The following GALNTL6 variants were observed in gnomAD, a reference collection of about 807,000 sequenced individuals.
GALNTL6 encodes the protein polypeptide N-acetylgalactosaminyltransferase-like 6.
A neutral mutation model predicts 73.7 loss-of-function variants in GALNTL6; 46 were observed. The ratio of observed to expected loss-of-function variants is 0.62; its 90% CI spans 0.49 to 0.80. The LOEUF is 0.80. Among genes scored for constraint, GALNTL6 ranks in the 30% least tolerant of loss-of-function variants. The pLI is 0.00. For missense variants in GALNTL6, 604 were observed against 755.0 expected, an observed-to-expected ratio of 0.80 and a Z score of 2.34; for synonymous variants, 259 against 263.7, an observed-to-expected ratio of 0.98 and a Z score of 0.17.
chr4:172,546,786 A>ATATATATATACACG (rs1735771426), intron 5 of GALNTL6, among the ~76,000 whole-genome samples: 1 of 9,848 alleles, frequency 1.0e-4, no homozygotes, highest in South Asian at 3.8e-3. Context: ...ACTCCGCTTT[A>ATATATATATACACG]TATATATATA....
chr4:172,177,901 G>A (rs1397061341), intron 2 of GALNTL6, among the ~76,000 whole-genome samples: 1 of 149,084 alleles, frequency 6.7e-6, no homozygotes, highest in South Asian at 2.1e-4. Flanking sequence ...TTACTTCTAT[G>A]ATATGACTTT....
chr4:172,245,834 A>C (rs577980171), intron 3 of GALNTL6, among the ~76,000 whole-genome samples: 49 of 152,142 alleles, frequency 3.2e-4, no homozygotes, highest in Admixed American at 1.2e-3. Flanking sequence ...TGATGGCAAC[A>C]CTTTCCAGAG....
intron 5 of GALNTL6, among the ~76,000 whole-genome samples, chr4:172,722,084 A>G (rs1735515475): frequency 6.6e-6 from 1 of 151,256 alleles, no homozygotes; most frequent in African/African-American, 2.4e-5. Context: ...TGTCAATGTG[A>G]TCAGTCTATC....
At chr4:171,902,522 T>A (rs1277126501) in intron 2 of GALNTL6, among the ~76,000 whole-genome samples, 1 of 152,180 alleles carries the variant, frequency 6.6e-6, no homozygotes, top group Non-Finnish European at 1.5e-5. Flanking sequence ...ATTGATGTTT[T>A]GAAGGGACAC....
At chr4:172,677,768 T>A (rs73869582) in intron 5 of GALNTL6, among the ~76,000 whole-genome samples, 130 of 143,324 alleles carry the variant, frequency 9.1e-4, no homozygotes, top group African/African-American at 3.3e-3. Context: ...TACAAAAAAT[T>A]AAAAAAAAAA....
At chr4:172,533,080 C>T (rs537707168) in intron 5 of GALNTL6, among the ~76,000 whole-genome samples, 127 of 145,704 alleles carry the variant, frequency 8.7e-4, no homozygotes, top group Admixed American at 2.0e-3. Flanking sequence ...GGTATGATCT[C>T]GGCTTACCAC....
At chr4:172,449,368 GA>G (rs78176889) in intron 5 of GALNTL6, among the ~76,000 whole-genome samples, 2 of 152,134 alleles carry the variant, frequency 1.3e-5, no homozygotes, top group East Asian at 3.9e-4. Context: ...CATTTTCAAA[GA>G]AAATTCCCAG....
chr4:172,352,760 C>G (rs1293157308), intron 5 of GALNTL6, among the ~76,000 whole-genome samples: 2 of 152,018 alleles, frequency 1.3e-5, no homozygotes, highest in Admixed American at 1.3e-4. Context: ...CCCGAGTATG[C>G]ACACACAAAC....
chr4:172,276,359 G>A (rs886603115), intron 3 of GALNTL6, among the ~76,000 whole-genome samples: 7 of 152,186 alleles, frequency 4.6e-5, no homozygotes, highest in African/African-American at 1.7e-4. Context: ...GCATGACTGA[G>A]GTCTTGGTAG....
At chr4:171,927,666 T>C (rs1272743692) in intron 2 of GALNTL6, among the ~76,000 whole-genome samples, 1 of 152,120 alleles carries the variant, frequency 6.6e-6, no homozygotes, top group Non-Finnish European at 1.5e-5. Context: ...TCCAGCCACA[T>C]GGGTCTTCTT....
At position 172,963,917 on chromosome 4, in the gene GALNTL6, T is replaced by C. The variant is rs76531418; in HGVS notation, c.1371+11659T>C. ...CAAACTCTGCCTACCAGCTTCCTAC[T>C]TAAAAGGCAGAAGAGATTACAGTCA... is the stretch of plus-strand genomic sequence containing the variant. On this transcript the variant is annotated intron_variant, in intron 10 of 12. Coordinates refer to ENST00000506823, the MANE Select transcript of GALNTL6 (RefSeq NM_001034845.3). 7.3e-3 allele frequency among the ~76,000 whole-genome samples: 1,109 copies of C among 152,320 alleles called. 15 individuals carry two copies. The highest frequency in any genetic ancestry group is 0.023 in the African/African-American group (972 of 41,560).
In GALNTL6 at chr4:172,595,540, C is replaced by T. The variant is rs534394791; in HGVS notation, c.554-213821C>T. Among the ~76,000 whole-genome samples, 3 of 152,240 alleles carry T rather than the reference C, an allele frequency of 2.0e-5. No homozygotes were observed. In the East Asian group the frequency reaches 5.8e-4, roughly 29 times the overall value. On this transcript the variant is annotated intron_variant, in intron 5 of 12. Transcript: ENST00000506823. ...TCTAATCCAGAGCAATAGAGGGAAA[C>T]ATTCTAACATTGTTAATGAGAGAAA...
At chr4:172,761,421 G>A (rs77092428) in intron 5 of GALNTL6, among the ~76,000 whole-genome samples, 1,866 of 152,270 alleles carry the variant, frequency 0.012, 10 homozygotes, top group Non-Finnish European at 0.019. Flanking sequence ...TATGATTTGG[G>A]ATAAGCTACT....
At chr4:172,287,815 C>T (rs998739709) in intron 3 of GALNTL6, among the ~76,000 whole-genome samples, 3 of 152,168 alleles carry the variant, frequency 2.0e-5, no homozygotes, top group Non-Finnish European at 1.5e-5. Context: ...GCACACTCTA[C>T]ATGTGGAACT....
chr4:171,876,494 G>C (rs1196516801), intron 2 of GALNTL6, among the ~76,000 whole-genome samples: 1 of 152,030 alleles, frequency 6.6e-6, no homozygotes, highest in Admixed American at 6.6e-5. Context: ...TAAAATATTT[G>C]GTTAGTTTTA....
In GALNTL6 at chr4:172,284,613, T is replaced by A. The variant is rs536617801; in HGVS notation, c.248-27001T>A. ...TAGGGTTTCTTCTAGTATTTTTGTA[T>A]TTTTAGGTCTTACACTTAAGTCTTT... is the stretch of plus-strand genomic sequence containing the variant. On this transcript the variant is annotated intron_variant, in intron 3 of 12. Transcript: ENST00000506823. Among the ~76,000 whole-genome samples the A allele has an allele frequency of 1.2e-4, 18 of 152,304 alleles. No individual in the cohort carries two copies. In the South Asian group the frequency reaches 3.7e-3, roughly 32 times the overall value.
rs550141082 is a variant in GALNTL6, at chr4:172,354,281, T to G, written c.553+5592T>G. Among the ~76,000 whole-genome samples the G allele has an allele frequency of 3.9e-5, 6 of 152,254 alleles. No individual in the cohort carries two copies. In the South Asian group the frequency reaches 1.2e-3, roughly 32 times the overall value. On this transcript the variant is annotated intron_variant, in intron 5 of 12. Transcript: ENST00000506823. ...TTCGTATTTAAAATGGTGAGGATAA[T>G]TGCGTTTAAAAAAATCAAACTACAA...
rs573037519 is a variant in GALNTL6, at chr4:172,185,662, TA to T, written c.139-43989del. On this transcript the variant is annotated intron_variant, in intron 2 of 12. Transcript: ENST00000506823. ...GTTTTTGTGCCTTTTTAGTAAATATTAAAAATGTGTACAAAAAGTGAATTTC... is the reference window on the plus strand; with the variant it reads ...GTTTTTGTGCCTTTTTAGTAAATATTAAAATGTGTACAAAAAGTGAATTTC... 1.2e-4 allele frequency among the ~76,000 whole-genome samples: 18 copies of T among 152,314 alleles called. No individual in the cohort carries two copies. In the South Asian group the frequency reaches 3.7e-3, roughly 32 times the overall value.
At chr4:172,012,412 A>G (rs146354579) in intron 2 of GALNTL6, among the ~76,000 whole-genome samples, 50 of 152,026 alleles carry the variant, frequency 3.3e-4, no homozygotes, top group South Asian at 1.2e-3. Context: ...CCCCCTTCCC[A>G]CATGTTCTAC....
Sources: gnomAD v4.1 joint callset for allele counts (sites outside exome capture counted in the v4.1 genomes callset) on GRCh38, gnomAD v4.1.1 for gene constraint, MANE v1.5 for transcripts, NCBI Gene and HGNC (gene_info 2026-07-23, HGNC 2026-07-21) for gene names.